The following ATG7 variants were observed in gnomAD, a reference collection of about 807,000 sequenced individuals.
ATG7 encodes the protein ubiquitin-like modifier-activating enzyme ATG7.
ATG7 carries 70 observed loss-of-function variants against 82.4 expected under a neutral mutation model. The ratio of observed to expected loss-of-function variants is 0.85; its 90% confidence interval spans 0.70 to 1.04. The LOEUF is 1.04. Among genes scored for constraint, ATG7 ranks in the 50% least tolerant of loss-of-function variants. The probability of loss-of-function intolerance (pLI) is 0.00; values close to 1 mark genes in which losing one functional copy is unlikely to be tolerated. For synonymous variants in ATG7, 287 were observed against 313.0 expected, an observed-to-expected ratio of 0.92 and a Z score of 0.88; for missense variants, 792 against 864.3, an observed-to-expected ratio of 0.92 and a Z score of 1.05.
intron 20 of ATG7, among the ~76,000 whole-genome samples, chr3:11,478,978 T>C (rs1361384903): frequency 8.2e-6 from 1 of 121,990 alleles, no homozygotes; most frequent in Non-Finnish European, 1.9e-5. Flanking sequence ...AATATGTGCC[T>C]GTATATTTAC....
chr3:11,358,288 G>T, intron 14 of ATG7, 130 bp from the exon 15 acceptor site: 1 of 887,204 alleles, frequency 1.1e-6, no homozygotes, highest in Non-Finnish European at 1.8e-6. Context: ...GAAGGGTGCA[G>T]CATAATAGTG....
At chr3:11,496,341 T>C (rs983746566) in intron 20 of ATG7, among the ~76,000 whole-genome samples, 1 of 152,136 alleles carries the variant, frequency 6.6e-6, no homozygotes, top group African/African-American at 2.4e-5. Flanking sequence ...GAGGTGGAGA[T>C]TGCTTGCATA....
At chr3:11,463,423 T>C (rs954242848) in intron 20 of ATG7, among the ~76,000 whole-genome samples, 3 of 152,220 alleles carry the variant, frequency 2.0e-5, no homozygotes, top group African/African-American at 7.2e-5. Flanking sequence ...TTGAACCAAT[T>C]GGTTCAGTAC....
chr3:11,311,233 C>A (rs1948612396), intron 7 of ATG7, among the ~76,000 whole-genome samples: 1 of 152,062 alleles, frequency 6.6e-6, no homozygotes, highest in Admixed American at 6.6e-5. Flanking sequence ...TAATGGAGGT[C>A]ATTTCTATCC....
At chr3:11,415,352 C>A (rs1449938131) in intron 19 of ATG7, among the ~76,000 whole-genome samples, 1 of 152,120 alleles carries the variant, frequency 6.6e-6, no homozygotes, top group Non-Finnish European at 1.5e-5. Flanking sequence ...CCTTGAAAAA[C>A]AACACTAAAC....
At chr3:11,342,392 C>T in intron 13 of ATG7, 113 bp downstream of exon 13, 1 of 1,295,948 alleles carries the variant, frequency 7.7e-7, no homozygotes, top group Non-Finnish European at 1.0e-6. Flanking sequence ...CCATCTCTCC[C>T]TCCCTTCCTT....
At chr3:11,571,241 G>A in the ATG7 span, among the ~76,000 whole-genome samples, 21 of 152,256 alleles carry the variant, frequency 1.4e-4, no homozygotes, top group East Asian at 3.7e-3. Context: ...TGCCTTCTAT[G>A]CGTCAGCAAC....
chr3:11,472,608 C>A (rs2087674590), intron 20 of ATG7, among the ~76,000 whole-genome samples: 1 of 152,164 alleles, frequency 6.6e-6, no homozygotes, highest in Non-Finnish European at 1.5e-5. Context: ...CAACAGATGT[C>A]CACTGTGGTT....
intron 20 of ATG7, among the ~76,000 whole-genome samples, chr3:11,448,316 C>T (rs542283175): frequency 6.6e-6 from 1 of 152,314 alleles, no homozygotes; most frequent in East Asian, 1.9e-4. Flanking sequence ...CCTCCATGCT[C>T]TCCTGAGGCC....
rs537751786 is a variant in ATG7, at chr3:11,552,376, C to T, written c.2080-2435C>T. On this transcript the variant is annotated intron_variant, in intron 20 of 20. Coordinates refer to ENST00000693202, the MANE Select transcript of ATG7 (RefSeq NM_001349232.2). ...AGTATTGATATTTTTTAAAATGTGC[C>T]AGTTTACTATGATCTTCACTAAGAG... 9.1e-4 allele frequency among the ~76,000 whole-genome samples: 139 copies of T among 152,200 alleles called. 1 individual carries two copies. The highest frequency in any genetic ancestry group is 3.1e-3 in the African/African-American group (128 of 41,516).
chr3:11,383,602 C>T (rs1327537000), intron 19 of ATG7, among the ~76,000 whole-genome samples: 1 of 152,158 alleles, frequency 6.6e-6, no homozygotes, highest in Non-Finnish European at 1.5e-5. Context: ...GCACTTGCCA[C>T]CATGCCTGGC....
At position 11,334,094 on chromosome 3, in the gene ATG7, G is replaced by A. The variant is rs191418647; in HGVS notation, c.889+1001G>A. On this transcript the variant is annotated intron_variant, in intron 11 of 20. Transcript: ENST00000693202. ...CCCGGAATCCATGTCCTATGTCAAA[G>A]TCAGAGCACGATGTCTGGCACATCA... Among the ~76,000 whole-genome samples the A allele has an allele frequency of 9.2e-5, 14 of 152,154 alleles. No individual in the cohort carries two copies. In the East Asian group the frequency reaches 2.7e-3, roughly 29 times the overall value.
chr3:11,476,114 AG>A lies in ATG7; in HGVS notation c.2079+49190del, dbSNP rs1385442701. ...CACAGAAACCACACTGCAAAGGGTC[AG>A]GTCCTCTCCTTTGTACCCTAAGGTG... On this transcript the variant is annotated intron_variant, in intron 20 of 20. Coordinates refer to ENST00000693202, the MANE Select transcript of ATG7 (RefSeq NM_001349232.2). Among the ~76,000 whole-genome samples the A allele has an allele frequency of 3.9e-5, 6 of 152,344 alleles. No homozygotes were observed. In the East Asian group the frequency reaches 1.2e-3, roughly 29 times the overall value.
intron 20 of ATG7, among the ~76,000 whole-genome samples, chr3:11,475,868 GAC>G (rs3219674): frequency 0.018 from 1,977 of 111,132 alleles, 36 homozygotes; most frequent in African/African-American, 0.056. Flanking sequence ...CTGTCTCTGA[GAC>G]ACACACACAC....
chr3:11,570,260 G>C, the ATG7 span, among the ~76,000 whole-genome samples: 83,781 of 151,566 alleles, frequency 0.55, 25,229 homozygotes, highest in African/African-American at 0.78. Context: ...CCATCACCTC[G>C]CAGCTCCATC....
chr3:11,540,672 G>T (rs974392078), intron 20 of ATG7, among the ~76,000 whole-genome samples: 4 of 151,632 alleles, frequency 2.6e-5, no homozygotes, highest in Middle Eastern at 3.2e-3. Context: ...TTCTAGACAT[G>T]AGTTTTTTGG....
At chr3:11,529,070 G>A (rs551671553) in intron 20 of ATG7, among the ~76,000 whole-genome samples, 1 of 152,040 alleles carries the variant, frequency 6.6e-6, no homozygotes, top group African/African-American at 2.4e-5. Flanking sequence ...GGAAAAAAGG[G>A]GGCGGTACAT....
chr3:11,297,772 C>G (rs1057027396), intron 3 of ATG7, among the ~76,000 whole-genome samples: 1 of 152,152 alleles, frequency 6.6e-6, no homozygotes, highest in Non-Finnish European at 1.5e-5. Flanking sequence ...GCACTGCTCT[C>G]AGACAGAATT....
chr3:11,477,301 A>C, intron 20 of ATG7: 1 of 1,197,406 alleles, frequency 8.4e-7, no homozygotes, highest in Non-Finnish European at 1.1e-6. Flanking sequence ...ATAAAATGTA[A>C]ATAAGAATTT....
Sources: allele counts gnomAD v4.1 joint callset (sites outside exome capture counted in the v4.1 genomes callset), GRCh38; gene constraint gnomAD v4.1.1; transcripts MANE v1.5; gene names NCBI Gene and HGNC (gene_info 2026-07-23, HGNC 2026-07-21).